NT5DC1: variants seen among roughly 807,000 people sequenced by gnomAD.
The protein encoded by NT5DC1 is 5'-nucleotidase domain containing 1.
Under a neutral mutation model 59.4 loss-of-function variants are expected in NT5DC1, and 42 were observed. That is an observed-to-expected ratio of 0.71 (90% CI 0.55 to 0.92). The LOEUF (loss-of-function observed/expected upper bound fraction) is 0.92. Among genes scored for constraint, NT5DC1 ranks in the 40% least tolerant of loss-of-function variants. NT5DC1 has a pLI of 0.00. For synonymous variants in NT5DC1, 172 were observed against 188.1 expected (o/e 0.91, Z 0.70); for missense variants, 501 against 537.1 (o/e 0.93, Z 0.66).
chr6:116,110,666 G>A, intron 3 of NT5DC1, 184 bp from the exon 4 acceptor site: 3 of 680,874 alleles, frequency 4.4e-6, no homozygotes, highest in Non-Finnish European at 8.0e-6. Context: ...AAGCGGGTAA[G>A]TGCTACAGCT....
chr6:116,113,899 T>C (rs1012687419), intron 4 of NT5DC1, among the ~76,000 whole-genome samples: 1 of 152,196 alleles, frequency 6.6e-6, no homozygotes, highest in African/African-American at 2.4e-5. Flanking sequence ...TGGGTCAGTC[T>C]AGTGTCAGGC....
At chr6:116,231,977 C>T (rs952841565) in intron 8 of NT5DC1, among the ~76,000 whole-genome samples, 12 of 152,218 alleles carry the variant, frequency 7.9e-5, no homozygotes, top group African/African-American at 2.6e-4. Flanking sequence ...ATAGCTTGAA[C>T]GATGTATTTT....
chr6:116,187,704 T>G (rs901351164), intron 6 of NT5DC1, among the ~76,000 whole-genome samples: 5 of 151,938 alleles, frequency 3.3e-5, no homozygotes, highest in Admixed American at 2.0e-4. Flanking sequence ...TAGACAAAAA[T>G]CAATTTCACA....
At position 116,144,575 on chromosome 6, in the gene NT5DC1, T is replaced by C. The variant is rs539259341; in HGVS notation, c.529+26630T>C. On this transcript the variant is annotated intron_variant, in intron 6 of 11. Coordinates refer to ENST00000319550, the MANE Select transcript of NT5DC1 (RefSeq NM_152729.3). The stretch of plus-strand genomic sequence containing the variant: ...CTGGTTTTCTATATTACTTTAAATA[T>C]ATGACTCTAAGTTTAGAATTCAAAT... Among the ~76,000 whole-genome samples the C allele has an allele frequency of 8.5e-5, 13 of 152,302 alleles. No individual in the cohort carries two copies. In the East Asian group the frequency reaches 2.5e-3, roughly 29 times the overall value.
At position 116,121,859 on chromosome 6, in the gene NT5DC1, C is replaced by G; in HGVS notation, c.529+3914C>G. 1 of 1,614,032 alleles carries G rather than the reference C, an allele frequency of 6.2e-7. No homozygotes were observed. The highest frequency in any genetic ancestry group is 8.5e-7 in the Non-Finnish European group (1 of 1,179,990). On this transcript the variant is annotated intron_variant, in intron 6 of 11. Transcript: ENST00000319550. ...TGGCTCTCCTTGGAGTCCAGGACTTCCGTAGCCTGGTTTTCCTGGTGGTCC... is the reference window on the plus strand; with the variant it reads ...TGGCTCTCCTTGGAGTCCAGGACTTGCGTAGCCTGGTTTTCCTGGTGGTCC...
intron 6 of NT5DC1, among the ~76,000 whole-genome samples, chr6:116,196,063 C>T (rs1350498806): frequency 1.3e-5 from 2 of 152,004 alleles, no homozygotes; most frequent in Non-Finnish European, 2.9e-5. Context: ...AGGGGCTAAA[C>T]TTGACATTCT....
rs549174275 is a variant in NT5DC1, at chr6:116,239,255, T to C, written c.1252+132T>C. On this transcript the variant is annotated intron_variant, in intron 11 of 11. Transcript: ENST00000319550. ...TCTTTGGGGAAAAATCTTCTAGATA[T>C]GGAACCTAGGTAATTAGGACCAGCA... 4.4e-5 allele frequency: 31 copies of C among 700,212 alleles called. No homozygotes were observed. The East Asian group carries it at 7.6e-4, about 17-fold the overall frequency. 43.4% of individuals were successfully genotyped at this position (700,212 alleles called of 1,614,324 possible).
At position 116,249,497 on chromosome 6, in the gene NT5DC1, A is replaced by C. The variant is rs1268550261; in HGVS notation, c.*5473A>C. The C allele has an allele frequency of 6.6e-6, 1 of 152,224 alleles. No individual in the cohort carries two copies. The highest frequency in any genetic ancestry group is 1.5e-5 in the Non-Finnish European group (1 of 68,030). The allele number at this position is 152,224 out of a possible 1,614,324, so 9.4% of individuals were successfully genotyped here. A position where few individuals can be genotyped will look rare whatever the true frequency, so the allele number is the denominator to read the frequency against. On this transcript the variant is annotated 3_prime_UTR_variant, in exon 12 of 12. Transcript: ENST00000319550. ...CCGGTAATTAAAGTTGTGATACCTG[A>C]TATCATTTGTCTCTAGACATTTTAT...
intron 6 of NT5DC1, among the ~76,000 whole-genome samples, chr6:116,154,806 C>G (rs1780143018): frequency 6.6e-6 from 1 of 152,218 alleles, no homozygotes; most frequent in South Asian, 2.1e-4. Flanking sequence ...ATTAATAACT[C>G]TTAGCAGAGG....
In NT5DC1 at chr6:116,246,127, TAAAG is replaced by T. The variant is rs1771842239; in HGVS notation, c.*2106_*2109del. ...TCCATAAAAATTAAAAAGAAAATAT[TAAAG>T]AAGTTATATGAAGCAAAAAAATTGT... On this transcript the variant is annotated 3_prime_UTR_variant, in exon 12 of 12. Transcript: ENST00000319550. 6.6e-6 allele frequency: 1 copy of T among 152,120 alleles called. No individual in the cohort carries two copies. Among genetic ancestry groups the T allele is most frequent in the African/African-American group, 2.4e-5 (1 of 41,440 alleles). The allele number at this position is 152,120 out of a possible 1,614,324, so 9.4% of individuals were successfully genotyped here. A position where few individuals can be genotyped will look rare whatever the true frequency, so the allele number is the denominator to read the frequency against.
rs143685448 is a variant in NT5DC1 at position 116,120,801 on chromosome 6, C to T, written c.529+2856C>T. On this transcript the variant is annotated intron_variant, in intron 6 of 11. Transcript: ENST00000319550. ...ATTCCAGGGGCACCTCTTGGGCCAG[C>T]CTCTCCATTGTGTCCGGGCATTCCC... 1.9e-6 allele frequency: 3 copies of T among 1,612,698 alleles called. No homozygotes were observed. In the South Asian group the frequency reaches 3.3e-5, roughly 18 times the overall value.
intron 6 of NT5DC1, among the ~76,000 whole-genome samples, chr6:116,169,498 A>T (rs1046233200): frequency 6.6e-6 from 1 of 152,254 alleles, no homozygotes; most frequent in Non-Finnish European, 1.5e-5. Context: ...TCTGTATGAA[A>T]GACTATATGG....
intron 7 of NT5DC1, 72 bp from the exon 8 acceptor site, chr6:116,222,962 G>A (rs1781836906): frequency 1.3e-6 from 1 of 773,834 alleles, no homozygotes; most frequent in Admixed American, 2.2e-5. Flanking sequence ...GATAAGCAAA[G>A]ATCAAGTTCT....
chr6:116,161,166 G>A (rs1188592752), intron 6 of NT5DC1, among the ~76,000 whole-genome samples: 1 of 131,118 alleles, frequency 7.6e-6, no homozygotes, highest in Non-Finnish European at 1.5e-5. Flanking sequence ...ACAGGAAGGG[G>A]AACATCACAA....
chr6:116,110,101 G>T (rs780039378), intron 3 of NT5DC1, among the ~76,000 whole-genome samples: 2 of 152,154 alleles, frequency 1.3e-5, no homozygotes, highest in Non-Finnish European at 2.9e-5. Context: ...CTTACGAATT[G>T]TTTGTTTCTG....
chr6:116,161,371 T>C (rs563442684), intron 6 of NT5DC1, among the ~76,000 whole-genome samples: 2 of 151,578 alleles, frequency 1.3e-5, no homozygotes, highest in African/African-American at 4.8e-5. Flanking sequence ...AAAGATGCAT[T>C]GATATAACAA....
In NT5DC1 at chr6:116,106,340, G is replaced by GT. The variant is rs753521223; in HGVS notation, c.185+7dup. The GT allele has an allele frequency of 2.0e-6, 2 of 988,688 alleles. No homozygotes were observed. The highest frequency in any genetic ancestry group is 2.3e-5 in the Admixed American group (1 of 42,722). 61.2% of individuals were successfully genotyped at this position (988,688 alleles called of 1,614,324 possible). ...CCCAGAGGATTGGGATTTCTGGTAA[G>GT]TTCTTTTTTTTTTTTTTTTTTTAAG... On this transcript the variant is annotated splice_donor_region_variant and intron_variant, in intron 2 of 11. Transcript: ENST00000319550.
chr6:116,149,550 G>GT (rs1165915159), intron 6 of NT5DC1, among the ~76,000 whole-genome samples: 1 of 152,184 alleles, frequency 6.6e-6, no homozygotes, highest in Non-Finnish European at 1.5e-5. Flanking sequence ...GAATAGTGAA[G>GT]TACATAATGC....
intron 6 of NT5DC1, among the ~76,000 whole-genome samples, chr6:116,188,568 A>G (rs552724428): frequency 5.5e-4 from 83 of 152,052 alleles, no homozygotes; most frequent in Non-Finnish European, 1.0e-3. Context: ...CATTTATAAA[A>G]TAGATATTAA....
Sources: gnomAD v4.1 joint callset for allele counts (sites outside exome capture counted in the v4.1 genomes callset) on GRCh38, gnomAD v4.1.1 for gene constraint, MANE v1.5 for transcripts, NCBI Gene and HGNC (gene_info 2026-07-23, HGNC 2026-07-21) for gene names.